ANKUB1: variants seen among roughly 807,000 people sequenced by gnomAD.
ANKUB1 encodes ankyrin repeat and ubiquitin domain containing 1.
A neutral mutation model predicts 49.3 loss-of-function variants in ANKUB1; 42 were observed. The ratio of observed to expected loss-of-function variants is 0.85; its 90% confidence interval spans 0.67 to 1.10. The LOEUF (loss-of-function observed/expected upper bound fraction) is 1.10, where lower values mean the gene tolerates loss of function less well. ANKUB1 is among the 50% of genes least tolerant of loss of function. The pLI, the probability that ANKUB1 is intolerant of heterozygous loss-of-function variation, is 0.00. For synonymous variants in ANKUB1, 222 were observed against 231.0 expected, an observed-to-expected ratio of 0.96 and a Z score of 0.35; for missense variants, 613 against 642.0, an observed-to-expected ratio of 0.95 and a Z score of 0.49.
At chr3:149,784,480 CCTGGCAGCAGGG>C (rs1718006382) in intron 2 of ANKUB1, among the ~76,000 whole-genome samples, 2 of 152,136 alleles carry the variant, frequency 1.3e-5, no homozygotes, top group South Asian at 4.1e-4. Context: ...AAGTTGCCGG[CCTGGCAGCAGGG>C]CTGGCAGCAT....
chr3:149,789,630 CTT>C (rs35696242), intron 2 of ANKUB1, among the ~76,000 whole-genome samples: 4 of 140,524 alleles, frequency 2.8e-5, no homozygotes, highest in African/African-American at 2.6e-5. Context: ...GAAGAATATT[CTT>C]TTTTTTTTTT....
intron 3 of ANKUB1, chr3:149,779,016 T>G (rs971290965): frequency 6.6e-6 from 1 of 152,208 alleles, no homozygotes; most frequent in Middle Eastern, 3.2e-3. Context: ...TTAAAAAGTG[T>G]GAAATGTTTC....
intron 5 of ANKUB1, among the ~76,000 whole-genome samples, chr3:149,765,569 C>A (rs185871933): frequency 5.2e-4 from 79 of 152,072 alleles, no homozygotes; most frequent in African/African-American, 1.9e-3. Flanking sequence ...CACACACACA[C>A]CTTAAAAACA....
chr3:149,770,998 A>G (rs1717334872), intron 3 of ANKUB1, among the ~76,000 whole-genome samples: 1 of 152,208 alleles, frequency 6.6e-6, no homozygotes, highest in South Asian at 2.1e-4. Flanking sequence ...AACTGAAGCC[A>G]TTATATTGGA....
At chr3:149,775,883 G>A (rs190718469) in intron 3 of ANKUB1, among the ~76,000 whole-genome samples, 17 of 152,084 alleles carry the variant, frequency 1.1e-4, no homozygotes, top group Non-Finnish European at 8.8e-5. Flanking sequence ...ACAGGTTGAC[G>A]TAAGACTAGG....
chr3:149,766,688 C>T (rs2108263108), intron 5 of ANKUB1: 1 of 614,770 alleles, frequency 1.6e-6, no homozygotes, highest in East Asian at 2.9e-5. Flanking sequence ...GTCCCAGCTA[C>T]TTGGAAGGCT....
chr3:149,777,327 C>G (rs1230607256), intron 3 of ANKUB1, among the ~76,000 whole-genome samples: 1 of 152,148 alleles, frequency 6.6e-6, no homozygotes, highest in East Asian at 1.9e-4. Flanking sequence ...AAAACATTAG[C>G]TGGGAGTGGT....
intron 2 of ANKUB1, 76 bp downstream of exon 2, chr3:149,790,705 A>G: frequency 7.3e-7 from 1 of 1,365,740 alleles, no homozygotes; most frequent in Non-Finnish European, 9.8e-7. Context: ...TTATGGAATT[A>G]CTTTGGTTGA....
At position 149,766,785 on chromosome 3, in the gene ANKUB1, G is replaced by A. The variant is rs971699796; in HGVS notation, c.1505+372C>T. ...TGCACTCCAGCCTGAGCAACAGAACGAGACCCTGTCTCAAACAAAAAGAAA... is the reference window on the plus strand; with the variant it reads ...TGCACTCCAGCCTGAGCAACAGAACAAGACCCTGTCTCAAACAAAAAGAAA... On this transcript the variant is annotated intron_variant, in intron 5 of 5. Coordinates refer to ENST00000446160, the MANE Select transcript of ANKUB1 (RefSeq NM_001144960.3). 9.1e-5 allele frequency: 98 copies of A among 1,080,392 alleles called. 10 individuals carry two copies. Among genetic ancestry groups the A allele is most frequent in the Admixed American group, 6.1e-5 (3 of 49,304 alleles). 66.9% of individuals were successfully genotyped at this position (1,080,392 alleles called of 1,614,324 possible).
chr3:149,766,993 G>T (rs1299465814), intron 5 of ANKUB1, 164 bp downstream of exon 5: 4 of 994,952 alleles, frequency 4.0e-6, no homozygotes. Context: ...AATTCATTTT[G>T]TCCTAGTGAT....
chr3:149,768,498 C>A (rs1222306086), intron 4 of ANKUB1, among the ~76,000 whole-genome samples: 1 of 152,054 alleles, frequency 6.6e-6, no homozygotes, highest in Non-Finnish European at 1.5e-5. Context: ...AATTCAATAC[C>A]CAGTTCTGCC....
intron 2 of ANKUB1, among the ~76,000 whole-genome samples, chr3:149,784,708 C>G (rs1328956318): frequency 6.6e-6 from 1 of 152,142 alleles, no homozygotes; most frequent in East Asian, 1.9e-4. Flanking sequence ...AACTAAGAAC[C>G]ATGATGTTGG....
At chr3:149,769,371 T>A (rs368340680) in intron 4 of ANKUB1, among the ~76,000 whole-genome samples, 6 of 152,322 alleles carry the variant, frequency 3.9e-5, no homozygotes, top group South Asian at 4.1e-4. Flanking sequence ...TGGTAATAAA[T>A]GCAGTTTGAA....
At chr3:149,786,240 T>G (rs1253401011) in intron 2 of ANKUB1, among the ~76,000 whole-genome samples, 1 of 152,164 alleles carries the variant, frequency 6.6e-6, no homozygotes, top group Admixed American at 6.5e-5. Flanking sequence ...TTTCACTGTG[T>G]TAGCCAGGAT....
At chr3:149,777,322 A>T (rs1182325690) in intron 3 of ANKUB1, among the ~76,000 whole-genome samples, 1 of 152,006 alleles carries the variant, frequency 6.6e-6, no homozygotes, top group Non-Finnish European at 1.5e-5. Context: ...AATACAAAAC[A>T]TTAGCTGGGA....
At chr3:149,775,912 T>C (rs1717576283) in intron 3 of ANKUB1, among the ~76,000 whole-genome samples, 1 of 152,036 alleles carries the variant, frequency 6.6e-6, no homozygotes, top group Non-Finnish European at 1.5e-5. Context: ...TGCGTGTGTG[T>C]GTGTGTGCAT....
At chr3:149,765,773 T>C (rs541397367) in intron 5 of ANKUB1, among the ~76,000 whole-genome samples, 2 of 152,382 alleles carry the variant, frequency 1.3e-5, no homozygotes, top group African/African-American at 4.8e-5. Flanking sequence ...TTTCCTAGTA[T>C]ATTTCTAGAA....
At chr3:149,767,001 G>A (rs1346371294) in intron 5 of ANKUB1, 156 bp downstream of exon 5, 16 of 996,802 alleles carry the variant, frequency 1.6e-5, no homozygotes, top group Non-Finnish European at 2.1e-5. Context: ...TTGTCCTAGT[G>A]ATGAGGCTAA....
chr3:149,787,759 TA>T (rs532533168), intron 2 of ANKUB1, among the ~76,000 whole-genome samples: 150 of 152,350 alleles, frequency 9.8e-4, no homozygotes, highest in African/African-American at 3.6e-3. Context: ...AGAATGTATT[TA>T]ACAGTAGATA....
Sources: gnomAD v4.1 joint callset for allele counts (sites outside exome capture counted in the v4.1 genomes callset) on GRCh38, gnomAD v4.1.1 for gene constraint, MANE v1.5 for transcripts, NCBI Gene and HGNC (gene_info 2026-07-23, HGNC 2026-07-21) for gene names.